The following DDX3X variants were observed in gnomAD, a reference collection of about 807,000 sequenced individuals.
The protein encoded by DDX3X is DEAD-box helicase 3 X-linked.
In DDX3X, 4 loss-of-function variants were observed where a neutral mutation model predicts 52.7. That is an observed-to-expected ratio of 0.08 (90% CI 0.04 to 0.17). The LOEUF (loss-of-function observed/expected upper bound fraction) is 0.17, where lower values mean the gene tolerates loss of function less well. DDX3X is among the 10% of genes least tolerant of loss of function. The pLI, the probability that DDX3X is intolerant of heterozygous loss-of-function variation, is 1.00. For missense variants in DDX3X, 222 were observed against 548.6 expected, an observed-to-expected ratio of 0.40 and a Z score of 5.95; for synonymous variants, 192 against 178.1, an observed-to-expected ratio of 1.08 and a Z score of -0.62.
rs769385948 is a variant in DDX3X at position 41,344,013 on chromosome X, ATTAAC to A, written c.766-13_766-9del. 39 of 1,173,935 alleles carry A rather than the reference ATTAAC, an allele frequency of 3.3e-5. No homozygotes were observed. The highest frequency in any genetic ancestry group is 4.5e-5 in the Non-Finnish European group (39 of 872,364). On this transcript the variant is annotated splice_polypyrimidine_tract_variant and intron_variant, in intron 8 of 16. Coordinates refer to ENST00000644876, the MANE Select transcript of DDX3X (RefSeq NM_001356.5). The stretch of plus-strand genomic sequence containing the variant: ...CAGGGTAGGTAGAGTTAACTTAAAA[ATTAAC>A]TTATTTCTTAGGAAAATGGAAGGTA...
chrX:41,344,156 C>T, intron 9 of DDX3X, 28 bp downstream of exon 9: 7 of 1,187,667 alleles, frequency 5.9e-6, no homozygotes, highest in African/African-American at 1.8e-5. Flanking sequence ...TGATTATTAG[C>T]TTTTTCATTG....
At chrX:41,343,462 A>T in intron 7 of DDX3X, 111 bp downstream of exon 7, 1 of 721,448 alleles carries the variant, frequency 1.4e-6, no homozygotes, top group Non-Finnish European at 2.0e-6. Context: ...CTGCGCTGCT[A>T]TTGGACTGTG....
chrX:41,343,680 T>C (rs2063883694), intron 7 of DDX3X, 57 bp from the exon 8 acceptor site: 1 of 1,021,624 alleles, frequency 9.8e-7, no homozygotes, highest in Non-Finnish European at 1.4e-6. Flanking sequence ...AACACTGTCA[T>C]CTACCAATGT....
chrX:41,353,805 TACACACACAC>T (rs751213463), downstream of DDX3X, among the ~76,000 whole-genome samples: 9 of 101,629 alleles, frequency 8.9e-5, no homozygotes, highest in East Asian at 1.8e-3. Flanking sequence ...TACACACGCA[TACACACACAC>T]ACACACACAC....
intron 1 of DDX3X, chrX:41,335,510 A>G (rs2063752983): frequency 9.0e-6 from 1 of 110,902 alleles, no homozygotes; most frequent in Non-Finnish European, 1.9e-5. Context: ...TGGTGGCAGG[A>G]AGTCTGCATC....
At chrX:41,333,993 G>C (rs912055876), upstream of DDX3X, 47 of 370,987 alleles carry the variant, frequency 1.3e-4, no homozygotes, top group Non-Finnish European at 1.2e-4. Context: ...AGGGGCGACA[G>C]GACTAAGTAG....
At chrX:41,364,283 C>A (rs776668221) in exon 6 of DDX3X, 58 of 295,374 alleles carry the variant, frequency 2.0e-4, no homozygotes, top group Non-Finnish European at 3.2e-4. Context: ...GAACTTGGAG[C>A]GTGATGCCCA....
At chrX:41,338,899 C>CT (rs748460638) in intron 2 of DDX3X, 137 bp from the exon 3 acceptor site, 1 of 217,178 alleles carries the variant, frequency 4.6e-6, no homozygotes, top group South Asian at 2.0e-4. Context: ...TTTTTCCCCC[C>CT]TCTCAGTGTC....
At position 41,360,867 on chromosome X, in the gene DDX3X, C is replaced by T. The variant is rs1429943101; in HGVS notation, c.655-3407C>T. Among the ~76,000 whole-genome samples, 9 of 109,102 alleles carry T rather than the reference C, an allele frequency of 8.2e-5. No individual in the cohort carries two copies. In the Admixed American group the frequency reaches 9.0e-4, roughly 11 times the overall value. 94.7% of individuals were successfully genotyped at this position (109,102 alleles called of 115,157 possible). A position where few individuals can be genotyped will look rare whatever the true frequency, so the allele number is the denominator to read the frequency against. On this transcript the variant is annotated intron_variant, in intron 5 of 5. Transcript: ENST00000616050. Reference sequence around the variant, plus strand: ...CTCCTGGCTCACTCCCTTAATATCACCCATCTTTGTTTGGGGGGGGCACAG... The same window carrying T: ...CTCCTGGCTCACTCCCTTAATATCATCCATCTTTGTTTGGGGGGGGCACAG...
chrX:41,353,437 C>T (rs1198587024), downstream of DDX3X, among the ~76,000 whole-genome samples: 5 of 108,031 alleles, frequency 4.6e-5, no homozygotes, highest in Admixed American at 5.0e-4. Flanking sequence ...CACTGCACTC[C>T]AGCCTGGGTG....
chrX:41,351,830 G>A (rs1474787413), downstream of DDX3X, among the ~76,000 whole-genome samples: 1 of 109,791 alleles, frequency 9.1e-6, no homozygotes, highest in Admixed American at 9.8e-5. Flanking sequence ...GGGTTTTTAG[G>A]ATAATTCTGA....
In DDX3X at chrX:41,348,101, T is replaced by C; in HGVS notation, c.*382T>C. ...GTAATGCTCAAGATATCAATTGTTTTGACAAAATAAATTTACTGAACTTGG... is the reference window on the plus strand; with the variant it reads ...GTAATGCTCAAGATATCAATTGTTTCGACAAAATAAATTTACTGAACTTGG... On this transcript the variant is annotated 3_prime_UTR_variant, in exon 17 of 17. Coordinates refer to ENST00000644876, the MANE Select transcript of DDX3X (RefSeq NM_001356.5). The C allele has an allele frequency of 3.5e-6, 1 of 286,211 alleles. No individual in the cohort carries two copies. 23.6% of individuals were successfully genotyped at this position (286,211 alleles called of 1,213,427 possible). A position where few individuals can be genotyped will look rare whatever the true frequency, so the allele number is the denominator to read the frequency against.
At chrX:41,360,416 G>A (rs1444723361) in intron 5 of DDX3X, among the ~76,000 whole-genome samples, 4 of 108,809 alleles carry the variant, frequency 3.7e-5, no homozygotes, top group Non-Finnish European at 7.7e-5. Flanking sequence ...CCTCCTAGTG[G>A]AGGAGGTATG....
intron 2 of DDX3X, chrX:41,338,343 T>C: frequency 8.9e-6 from 1 of 112,160 alleles, no homozygotes. Context: ...CTAAGAATCT[T>C]TTAGGAACTG....
intron 2 of DDX3X, chrX:41,338,336 A>C (rs1015708688): frequency 1.8e-5 from 2 of 112,110 alleles, no homozygotes; most frequent in African/African-American, 6.5e-5. Context: ...TGTCATGCTA[A>C]GAATCTTTTA....
At chrX:41,334,371 G>T (rs991599701) in intron 1 of DDX3X, 74 bp downstream of exon 1, 53 of 1,163,645 alleles carry the variant, frequency 4.6e-5, no homozygotes, top group Non-Finnish European at 5.2e-5. Flanking sequence ...TAATGGCGCA[G>T]CGCTAACCGG....
At chrX:41,340,888 G>A (rs1043008300) in intron 3 of DDX3X, 10 of 292,413 alleles carry the variant, frequency 3.4e-5, no homozygotes, top group African/African-American at 5.5e-5. Context: ...GTCACACAAC[G>A]TCATAATGCG....
intron 5 of DDX3X, among the ~76,000 whole-genome samples, chrX:41,361,536 A>G (rs1407200711): frequency 9.0e-6 from 1 of 110,752 alleles, no homozygotes; most frequent in Non-Finnish European, 1.9e-5. Flanking sequence ...AAAAAAAGTC[A>G]CAGTCACCTA....
chrX:41,353,645 C>CT (rs1164137180), downstream of DDX3X, among the ~76,000 whole-genome samples: 17 of 107,128 alleles, frequency 1.6e-4, no homozygotes, highest in Non-Finnish European at 2.5e-4. Context: ...GTGGCAAGCG[C>CT]TTATAGTCTC....
Sources: allele counts gnomAD v4.1 joint callset (sites outside exome capture counted in the v4.1 genomes callset), GRCh38; gene constraint gnomAD v4.1.1; transcripts MANE v1.5; gene names NCBI Gene and HGNC (gene_info 2026-07-23, HGNC 2026-07-21).